MSI1: variants seen among roughly 807,000 people sequenced by gnomAD.
MSI1 encodes RNA-binding protein Musashi homolog 1.
MSI1 carries 15 observed loss-of-function variants against 54.4 expected under a neutral mutation model. That is an observed-to-expected ratio of 0.28 (90% CI 0.18 to 0.42). The LOEUF (loss-of-function observed/expected upper bound fraction) is 0.42, where lower values mean the gene tolerates loss of function less well. Ranked by LOEUF, MSI1 falls within the 20% of genes least tolerant of loss-of-function variation. MSI1 has a pLI of 1.00. For missense variants in MSI1, 304 were observed against 506.0 expected (o/e 0.60, Z 3.83); for synonymous variants, 200 against 196.5 (o/e 1.02, Z -0.15).
intron 9 of MSI1, among the ~76,000 whole-genome samples, chr12:120,354,005 C>T (rs554670006): frequency 6.6e-6 from 1 of 151,978 alleles, no homozygotes; most frequent in East Asian, 1.9e-4. Context: ...TTTTTAGAGA[C>T]AGGATCTTGC....
intron 7 of MSI1, among the ~76,000 whole-genome samples, chr12:120,358,725 G>C (rs1023069496): frequency 6.6e-6 from 1 of 151,124 alleles, no homozygotes; most frequent in Non-Finnish European, 1.5e-5. Flanking sequence ...AGGTAAGCCC[G>C]GGCAGAGGCA....
chr12:120,356,812 C>T, intron 9 of MSI1, 90 bp downstream of exon 9: 1 of 1,167,274 alleles, frequency 8.6e-7, no homozygotes, highest in South Asian at 1.2e-5. Flanking sequence ...GGAGGGCAGA[C>T]CACAGGGGAG....
At position 120,350,737 on chromosome 12, in the gene MSI1, C is replaced by G. The variant is rs186614927; in HGVS notation, c.790+607G>C. 3.5e-3 allele frequency among the ~76,000 whole-genome samples: 531 copies of G among 152,350 alleles called. 4 individuals carry two copies. The highest frequency in any genetic ancestry group is 0.012 in the African/African-American group (508 of 41,582). ...GCCAGCCAGGAAACCGGCCCCCTGT[C>G]ACCTTCACCCCACTTGTCCAGAAGT... is the stretch of plus-strand genomic sequence containing the variant. On this transcript the variant is annotated intron_variant, in intron 11 of 14. Coordinates refer to ENST00000257552, the MANE Select transcript of MSI1 (RefSeq NM_002442.4).
intron 6 of MSI1, 134 bp downstream of exon 6, chr12:120,362,908 TG>T (rs1214780643): frequency 1.3e-6 from 1 of 747,890 alleles, no homozygotes; most frequent in African/African-American, 1.7e-5. Context: ...TGGCCTGGTC[TG>T]CCCCCACAGC....
chr12:120,358,877 G>T, intron 7 of MSI1, 128 bp downstream of exon 7: 1 of 1,113,664 alleles, frequency 9.0e-7, no homozygotes. Flanking sequence ...TGTAAGGCCA[G>T]GCCTGGGAGA....
At chr12:120,356,853 TG>T in intron 9 of MSI1, 48 bp downstream of exon 9, 1 of 1,550,728 alleles carries the variant, frequency 6.4e-7, no homozygotes. Flanking sequence ...CTGCTAGTCC[TG>T]GGAGCAGTTC....
At chr12:120,347,132 T>TA (rs1205825239) in intron 12 of MSI1, among the ~76,000 whole-genome samples, 2 of 152,264 alleles carry the variant, frequency 1.3e-5, no homozygotes, top group African/African-American at 4.8e-5. Flanking sequence ...GTATTTTTAG[T>TA]AGAGACGGGG....
chr12:120,361,967 T>A (rs1354691599), intron 6 of MSI1, among the ~76,000 whole-genome samples: 1 of 151,654 alleles, frequency 6.6e-6, no homozygotes, highest in Admixed American at 6.6e-5. Context: ...CGAGCTCTAA[T>A]GCTCGGCGCT....
chr12:120,358,154 G>C (rs1380788571), intron 7 of MSI1, among the ~76,000 whole-genome samples: 1 of 152,230 alleles, frequency 6.6e-6, no homozygotes, highest in Admixed American at 6.5e-5. Context: ...GAAAGTGGTA[G>C]AGCTGTGATG....
intron 11 of MSI1, among the ~76,000 whole-genome samples, chr12:120,349,338 A>G (rs996190538): frequency 6.6e-6 from 1 of 152,128 alleles, no homozygotes; most frequent in African/African-American, 2.4e-5. Flanking sequence ...ACCTCAGGTG[A>G]TCTGCCTGCC....
intron 4 of MSI1, 60 bp downstream of exon 4, chr12:120,367,948 C>T (rs1876118978): frequency 1.3e-6 from 2 of 1,511,508 alleles, no homozygotes; most frequent in Non-Finnish European, 1.8e-6. Flanking sequence ...AGAGTCCTGA[C>T]CCTCTCCTCC....
chr12:120,353,698 C>G (rs569995470), intron 9 of MSI1, among the ~76,000 whole-genome samples: 131 of 152,302 alleles, frequency 8.6e-4, no homozygotes, highest in African/African-American at 3.0e-3. Context: ...CTGTCCTCAT[C>G]TCCTGCACAC....
intron 4 of MSI1, among the ~76,000 whole-genome samples, chr12:120,366,180 A>G (rs1050188180): frequency 2.0e-5 from 3 of 152,190 alleles, no homozygotes; most frequent in African/African-American, 2.4e-5. Flanking sequence ...TCACCAGCCA[A>G]TCGCAGGGAA....
intron 12 of MSI1, among the ~76,000 whole-genome samples, chr12:120,346,828 G>A (rs1357569822): frequency 6.6e-6 from 1 of 152,154 alleles, no homozygotes; most frequent in Non-Finnish European, 1.5e-5. Flanking sequence ...CCAGCTGGGA[G>A]CTCCTCTGGT....
Position 120,368,340 on chromosome 12 carries a change from C to G in MSI1, c.101-67G>C. The G allele has an allele frequency of 7.2e-7, 1 of 1,382,680 alleles. No homozygotes were observed. The highest frequency in any genetic ancestry group is 9.5e-7 in the Non-Finnish European group (1 of 1,050,770). The allele number at this position is 1,382,680 out of a possible 1,614,324, so 85.7% of individuals were successfully genotyped here. A position where few individuals can be genotyped will look rare whatever the true frequency, so the allele number is the denominator to read the frequency against. On this transcript the variant is annotated intron_variant, in intron 2 of 14. Coordinates refer to ENST00000257552, the MANE Select transcript of MSI1 (RefSeq NM_002442.4). This position sits in a 1 kb window ranked among gnomAD's most constrained non-coding sequence, Gnocchi z 6.6. ...GCCCTTCCCCCCCCCCCGTCCTTTG[C>G]CCCCGGTGACCCCGGAGCGGCCCGG...
chr12:120,368,700 G>GGCCGAGCGAGACCCCCGAATCC lies in MSI1; in HGVS notation c.100+132_100+133insGGATTCGGGGGTCTCGCTCGGC. On this transcript the variant is annotated intron_variant, in intron 2 of 14. Coordinates refer to ENST00000257552, the MANE Select transcript of MSI1 (RefSeq NM_002442.4). This position sits in a 1 kb window ranked among gnomAD's most constrained non-coding sequence, Gnocchi z 6.6. ...CGCCCTGCGCTCTCGGGGTCTCCGGGCGGGGCGCGAAAGAGGGCGCGAGGG... is the reference window on the plus strand; with the variant it reads ...CGCCCTGCGCTCTCGGGGTCTCCGGGGCCGAGCGAGACCCCCGAATCCCGGGGCGCGAAAGAGGGCGCGAGGG... 1.2e-6 allele frequency: 1 copy of GGCCGAGCGAGACCCCCGAATCC among 809,452 alleles called. No individual in the cohort carries two copies. Among genetic ancestry groups the GGCCGAGCGAGACCCCCGAATCC allele is most frequent in the Non-Finnish European group, 1.6e-6 (1 of 611,982 alleles). 50.1% of individuals were successfully genotyped at this position (809,452 alleles called of 1,614,324 possible).
At chr12:120,344,131 T>C (rs1464066342) in intron 14 of MSI1, among the ~76,000 whole-genome samples, 1 of 152,208 alleles carries the variant, frequency 6.6e-6, no homozygotes, top group Admixed American at 6.5e-5. Flanking sequence ...GCTGGGATTA[T>C]AGGCGTGAGC....
At chr12:120,360,205 G>A (rs1433578012) in intron 6 of MSI1, among the ~76,000 whole-genome samples, 8 of 152,034 alleles carry the variant, frequency 5.3e-5, no homozygotes, top group African/African-American at 1.2e-4. Flanking sequence ...GGCTGGTCTC[G>A]AACTCCTGGC....
intron 10 of MSI1, 46 bp downstream of exon 10, chr12:120,353,253 G>A: frequency 1.3e-6 from 2 of 1,587,552 alleles, no homozygotes; most frequent in Non-Finnish European, 1.7e-6. Flanking sequence ...GACTGCCCGG[G>A]AACCAGGGGC....
Sources: gnomAD v4.1 joint callset for allele counts (sites outside exome capture counted in the v4.1 genomes callset) on GRCh38, gnomAD v4.1.1 for gene constraint, Gnocchi (gnomAD v3.1) non-coding constraint, MANE v1.5 for transcripts, NCBI Gene and HGNC (gene_info 2026-07-23, HGNC 2026-07-21) for gene names.